The following USP46 variants were observed in gnomAD, a reference collection of about 807,000 sequenced individuals.
USP46 encodes the protein ubiquitin specific peptidase 46, also known as ubiquitin carboxyl-terminal hydrolase 46.
USP46 carries 12 observed loss-of-function variants against 44.4 expected under a neutral mutation model. The observed-to-expected ratio is 0.27, with a 90% CI of 0.17 to 0.44. The LOEUF (loss-of-function observed/expected upper bound fraction) is 0.44, where lower values mean the gene tolerates loss of function less well. Among genes scored for constraint, USP46 ranks in the 20% least tolerant of loss-of-function variants. The pLI, the probability that USP46 is intolerant of heterozygous loss-of-function variation, is 1.00. For missense variants in USP46, 248 were observed against 444.8 expected (o/e 0.56, Z 3.98); for synonymous variants, 155 against 161.5 (o/e 0.96, Z 0.31).
At chr4:52,638,910 T>C (rs1458500434) in intron 1 of USP46, among the ~76,000 whole-genome samples, 1 of 152,124 alleles carries the variant, frequency 6.6e-6, no homozygotes, top group Non-Finnish European at 1.5e-5. Context: ...CCTTCACCAC[T>C]TCCCCATTCT....
intron 4 of USP46, among the ~76,000 whole-genome samples, chr4:52,616,804 A>G (rs186275460): frequency 4.8e-4 from 73 of 152,376 alleles, no homozygotes; most frequent in African/African-American, 1.7e-3. Context: ...CAAAATTAGA[A>G]ATCAATACTA....
At chr4:52,656,425 C>CG in intron 1 of USP46, 1 of 914,534 alleles carries the variant, frequency 1.1e-6, no homozygotes, top group South Asian at 3.0e-5. Context: ...CTGGGAGGGA[C>CG]AGTGGGGGCG....
At chr4:52,603,924 A>T (rs900140449) in intron 6 of USP46, among the ~76,000 whole-genome samples, 6 of 152,122 alleles carry the variant, frequency 3.9e-5, no homozygotes, top group African/African-American at 1.4e-4. Context: ...ACCTCAAATG[A>T]TCGGCCTGTC....
chr4:52,630,922 T>C, intron 2 of USP46, 142 bp downstream of exon 2: 1 of 682,370 alleles, frequency 1.5e-6, no homozygotes, highest in Non-Finnish European at 2.4e-6. Flanking sequence ...GTTAAGTTGC[T>C]TTCTCCCCAA....
chr4:52,653,862 G>C (rs1169556926), intron 1 of USP46, among the ~76,000 whole-genome samples: 1 of 152,140 alleles, frequency 6.6e-6, no homozygotes, highest in African/African-American at 2.4e-5. Flanking sequence ...ATCTGAGCTA[G>C]AGAAATTTCT....
At chr4:52,639,860 G>GTTTTTTTTTTTT (rs34078992) in intron 1 of USP46, among the ~76,000 whole-genome samples, 1 of 116,618 alleles carries the variant, frequency 8.6e-6, no homozygotes, top group Non-Finnish European at 1.8e-5. Context: ...CCATGCCTGG[G>GTTTTTTTTTTTT]TTTTTTTTTT....
At chr4:52,605,844 T>C (rs149260402) in intron 5 of USP46, among the ~76,000 whole-genome samples, 2 of 152,344 alleles carry the variant, frequency 1.3e-5, no homozygotes, top group Non-Finnish European at 1.5e-5. Flanking sequence ...GGAAATCCTC[T>C]TCTCACCTTA....
At chr4:52,656,192 C>T in intron 1 of USP46, 6 of 1,157,902 alleles carry the variant, frequency 5.2e-6, no homozygotes, top group Non-Finnish European at 2.5e-6. Flanking sequence ...TTTGCTCTTA[C>T]TACAACTACT....
intron 1 of USP46, among the ~76,000 whole-genome samples, chr4:52,632,256 C>T (rs1717858003): frequency 6.6e-6 from 1 of 152,110 alleles, no homozygotes; most frequent in Admixed American, 6.5e-5. Flanking sequence ...ACTATTAAAC[C>T]TTTTGTTGAG....
intron 4 of USP46, among the ~76,000 whole-genome samples, chr4:52,617,993 T>G (rs1208506907): frequency 6.6e-6 from 1 of 152,228 alleles, no homozygotes; most frequent in African/African-American, 2.4e-5. Context: ...TAATATTCTT[T>G]TTAAAGTAAT....
chr4:52,636,299 C>T (rs1440706571), intron 1 of USP46, among the ~76,000 whole-genome samples: 1 of 152,174 alleles, frequency 6.6e-6, no homozygotes, highest in Admixed American at 6.5e-5. Context: ...GGAAATGGGT[C>T]TCCTTACAGC....
chr4:52,626,564 T>G (rs1717593810), intron 3 of USP46, among the ~76,000 whole-genome samples: 1 of 152,168 alleles, frequency 6.6e-6, no homozygotes. Flanking sequence ...ACCTTGTGAT[T>G]TGCCCACCCT....
intron 1 of USP46, among the ~76,000 whole-genome samples, chr4:52,631,934 G>A (rs1292944741): frequency 2.0e-5 from 3 of 151,904 alleles, no homozygotes; most frequent in Non-Finnish European, 4.4e-5. Context: ...TGAACCTGGG[G>A]GCTGGAGGTT....
Position 52,597,546 on chromosome 4 carries a change from G to A in USP46, c.*94C>T. The A allele has an allele frequency of 3.8e-6, 3 of 798,926 alleles. No individual in the cohort carries two copies. The highest frequency in any genetic ancestry group is 1.8e-5 in the African/African-American group (1 of 57,132). The allele number at this position is 798,926 out of a possible 1,614,324, so 49.5% of individuals were successfully genotyped here. A position where few individuals can be genotyped will look rare whatever the true frequency, so the allele number is the denominator to read the frequency against. On this transcript the variant is annotated 3_prime_UTR_variant, in exon 9 of 9. Transcript: ENST00000441222. Reference sequence around the variant, plus strand: ...ATTGAGACTCGGAGTGATACCATTAGTGGGCCACTGGGGAAGAGGAAAGCC... The same window carrying A: ...ATTGAGACTCGGAGTGATACCATTAATGGGCCACTGGGGAAGAGGAAAGCC...
At chr4:52,615,968 G>T (rs1717114507) in intron 4 of USP46, among the ~76,000 whole-genome samples, 1 of 152,180 alleles carries the variant, frequency 6.6e-6, no homozygotes. Context: ...ATATTTTAAT[G>T]CTCCTTTCTC....
chr4:52,598,499 T>C, intron 8 of USP46, 129 bp downstream of exon 8: 1 of 1,054,376 alleles, frequency 9.5e-7, no homozygotes, highest in Non-Finnish European at 1.4e-6. Context: ...TGGTTTTGAA[T>C]ACAAATTTAA....
intron 7 of USP46, among the ~76,000 whole-genome samples, chr4:52,600,144 T>C (rs1248560034): frequency 6.6e-6 from 1 of 152,144 alleles, no homozygotes; most frequent in Non-Finnish European, 1.5e-5. Context: ...TATCAGTCTT[T>C]CCAGATAGAT....
Position 52,659,257 on chromosome 4 carries a change from G to A in USP46, c.-107C>T. The A allele has an allele frequency of 2.2e-6, 3 of 1,339,182 alleles. No homozygotes were observed. The highest frequency in any genetic ancestry group is 3.0e-6 in the Non-Finnish European group (3 of 1,009,280). The allele number at this position is 1,339,182 out of a possible 1,614,324, so 83.0% of individuals were successfully genotyped here. On this transcript the variant is annotated 5_prime_UTR_variant, in exon 1 of 9. Transcript: ENST00000441222. The surrounding 1 kb of genome is among the most constrained non-coding windows in gnomAD (Gnocchi z 4.2). Reference sequence around the variant, plus strand: ...AGGCCGGGCGGCAGCGCGGCGGCCTGGGGTCCGGCTTTCAGTTTGGCTGGG... The same window carrying A: ...AGGCCGGGCGGCAGCGCGGCGGCCTAGGGTCCGGCTTTCAGTTTGGCTGGG...
intron 4 of USP46, among the ~76,000 whole-genome samples, chr4:52,625,149 A>C (rs1717526720): frequency 6.6e-6 from 1 of 152,178 alleles, no homozygotes; most frequent in African/African-American, 2.4e-5. Flanking sequence ...TAGTTATAAT[A>C]AAAAATAATA....
Sources: gnomAD v4.1 joint callset for allele counts (sites outside exome capture counted in the v4.1 genomes callset) on GRCh38, gnomAD v4.1.1 for gene constraint, Gnocchi (gnomAD v3.1) non-coding constraint, MANE v1.5 for transcripts, NCBI Gene and HGNC (gene_info 2026-07-23, HGNC 2026-07-21) for gene names.